The following PTPRM variants were observed in gnomAD, a reference collection of about 807,000 sequenced individuals.
PTPRM encodes the protein protein tyrosine phosphatase receptor type M, also known as receptor-type tyrosine-protein phosphatase mu.
PTPRM carries 47 observed loss-of-function variants against 186.7 expected under a neutral mutation model. That is an observed-to-expected ratio of 0.25 (90% CI 0.20 to 0.32). The LOEUF is 0.32. Ranked by LOEUF, PTPRM falls within the 10% of genes least tolerant of loss-of-function variation. The probability of loss-of-function intolerance (pLI) is 1.00; values close to 1 mark genes in which losing one functional copy is unlikely to be tolerated. For synonymous variants in PTPRM, 668 were observed against 674.9 expected, an observed-to-expected ratio of 0.99 and a Z score of 0.16; for missense variants, 1,494 against 1,865.0, an observed-to-expected ratio of 0.80 and a Z score of 3.66.
Position 8,046,451 on chromosome 18 carries a change from C to G in PTPRM, c.1133-23235C>G, listed in dbSNP as rs7230743. 8.8e-3 allele frequency among the ~76,000 whole-genome samples: 1,343 copies of G among 152,262 alleles called. 23 individuals are homozygous for G. Among genetic ancestry groups the G allele is most frequent in the African/African-American group, 0.031 (1,298 of 41,552 alleles). ...TGCATAGCTGAGTATACCACTTACCCTCTGTGTATCTTGCATCTATTTTCT... is the reference window on the plus strand; with the variant it reads ...TGCATAGCTGAGTATACCACTTACCGTCTGTGTATCTTGCATCTATTTTCT... On this transcript the variant is annotated intron_variant, in intron 7 of 32. Coordinates refer to ENST00000580170, the MANE Select transcript of PTPRM (RefSeq NM_001105244.2).
chr18:7,897,311 T>C (rs2049414276), intron 3 of PTPRM, among the ~76,000 whole-genome samples: 1 of 152,166 alleles, frequency 6.6e-6, no homozygotes, highest in Non-Finnish European at 1.5e-5. Flanking sequence ...TATGTGCCAG[T>C]TGAAAAATAG....
intron 22 of PTPRM, among the ~76,000 whole-genome samples, chr18:8,323,930 A>C (rs927262897): frequency 9.2e-5 from 14 of 152,124 alleles, no homozygotes; most frequent in African/African-American, 3.1e-4. Flanking sequence ...TGGTTCATGG[A>C]CTACCCCCAC....
intron 31 of PTPRM, among the ~76,000 whole-genome samples, chr18:8,393,966 A>AT (rs142217619): frequency 0.042 from 6,445 of 151,676 alleles, 438 homozygotes; most frequent in African/African-American, 0.14. Flanking sequence ...TTTTTTTTGT[A>AT]TTTTTTAGTA....
At chr18:7,871,056 G>A (rs1363939445) in intron 2 of PTPRM, among the ~76,000 whole-genome samples, 1 of 152,174 alleles carries the variant, frequency 6.6e-6, no homozygotes, top group East Asian at 1.9e-4. Context: ...AAAGGACAAG[G>A]CATTTTAATG....
At chr18:7,972,741 G>T (rs1436907482) in intron 7 of PTPRM, among the ~76,000 whole-genome samples, 1 of 151,972 alleles carries the variant, frequency 6.6e-6, no homozygotes, top group East Asian at 1.9e-4. Flanking sequence ...TGAAGTCATA[G>T]ATGTGATATA....
intron 7 of PTPRM, among the ~76,000 whole-genome samples, chr18:8,035,368 G>A (rs557742375): frequency 6.6e-6 from 1 of 152,104 alleles, no homozygotes; most frequent in African/African-American, 2.4e-5. Flanking sequence ...TATCCAGGGG[G>A]GATTAGTTCC....
At chr18:7,957,751 A>G (rs2053409310) in intron 7 of PTPRM, among the ~76,000 whole-genome samples, 1 of 152,198 alleles carries the variant, frequency 6.6e-6, no homozygotes, top group Non-Finnish European at 1.5e-5. Context: ...TGCAGGTAAT[A>G]TCAGTAATCA....
At chr18:7,968,412 C>A (rs1474762853) in intron 7 of PTPRM, among the ~76,000 whole-genome samples, 8 of 140,032 alleles carry the variant, frequency 5.7e-5, no homozygotes, top group South Asian at 2.4e-4. Flanking sequence ...TGAGCAAAAT[C>A]ACCAGCTAAC....
chr18:7,812,126 T>A (rs1245669400), intron 2 of PTPRM, among the ~76,000 whole-genome samples: 1 of 152,102 alleles, frequency 6.6e-6, no homozygotes, highest in African/African-American at 2.4e-5. Flanking sequence ...ACCAACTTTA[T>A]CTCTGTGATA....
At chr18:7,682,125 G>A (rs2039493936) in intron 1 of PTPRM, among the ~76,000 whole-genome samples, 1 of 152,208 alleles carries the variant, frequency 6.6e-6, no homozygotes, top group Non-Finnish European at 1.5e-5. Flanking sequence ...CAGCTAGTAA[G>A]TTGCAGAGCT....
rs115051659 is a variant in PTPRM, at chr18:8,217,371, C to A, written c.2301-26687C>A. Among the ~76,000 whole-genome samples the A allele has an allele frequency of 3.7e-3, 561 of 152,286 alleles. 1 individual carries two copies. Among genetic ancestry groups the A allele is most frequent in the African/African-American group, 0.012 (519 of 41,560 alleles). On this transcript the variant is annotated intron_variant, in intron 14 of 32. Coordinates refer to ENST00000580170, the MANE Select transcript of PTPRM (RefSeq NM_001105244.2). Reference sequence around the variant, plus strand: ...GTCTAGGCATTTCTTCCTTCTTCCCCCTGTGCCCAGCTCTGATGGAGGAGG... The same window carrying A: ...GTCTAGGCATTTCTTCCTTCTTCCCACTGTGCCCAGCTCTGATGGAGGAGG...
At chr18:7,852,760 G>A (rs933884109) in intron 2 of PTPRM, among the ~76,000 whole-genome samples, 1 of 152,172 alleles carries the variant, frequency 6.6e-6, no homozygotes, top group Admixed American at 6.5e-5. Context: ...GAATGCAGAG[G>A]TGGGAGGATT....
intron 8 of PTPRM, among the ~76,000 whole-genome samples, chr18:8,070,456 A>G (rs1004569832): frequency 1.3e-5 from 2 of 152,192 alleles, no homozygotes; most frequent in Non-Finnish European, 2.9e-5. Context: ...TTGCTTTTCA[A>G]CACAGTCTTG....
intron 19 of PTPRM, among the ~76,000 whole-genome samples, chr18:8,289,405 TATATATACAC>T (rs1224015235): frequency 7.0e-5 from 10 of 143,342 alleles, no homozygotes; most frequent in African/African-American, 2.6e-4. Flanking sequence ...TGTGTATATA[TATATATACAC>T]ATATATACGT....
intron 19 of PTPRM, among the ~76,000 whole-genome samples, chr18:8,286,329 C>G (rs974833680): frequency 7.9e-5 from 12 of 152,190 alleles, no homozygotes; most frequent in Non-Finnish European, 8.8e-5. Context: ...ATGATGATCT[C>G]TCTGTTTTGA....
At chr18:8,208,925 G>A (rs8094241) in intron 14 of PTPRM, among the ~76,000 whole-genome samples, 1,648 of 152,318 alleles carry the variant, frequency 0.011, 25 homozygotes, top group African/African-American at 0.037. Flanking sequence ...GAGAGCATAA[G>A]CATGCGTGCT....
intron 7 of PTPRM, among the ~76,000 whole-genome samples, chr18:7,957,675 A>G (rs1295133519): frequency 6.6e-6 from 1 of 152,200 alleles, no homozygotes; most frequent in Non-Finnish European, 1.5e-5. Flanking sequence ...GTGAAGTCAA[A>G]TGAGACTTTT....
intron 7 of PTPRM, among the ~76,000 whole-genome samples, chr18:7,964,471 G>T (rs557518437): frequency 1.3e-5 from 2 of 152,208 alleles, no homozygotes; most frequent in Admixed American, 1.3e-4. Flanking sequence ...TTGTTTGTTT[G>T]TTTTAAACAG....
chr18:8,384,782 C>G, intron 30 of PTPRM, 96 bp downstream of exon 30: 2 of 1,514,732 alleles, frequency 1.3e-6, no homozygotes, highest in Non-Finnish European at 1.8e-6. Context: ...GTCACTGTTC[C>G]AGGAGTTTGG....
Sources: allele counts gnomAD v4.1 joint callset (sites outside exome capture counted in the v4.1 genomes callset), GRCh38; gene constraint gnomAD v4.1.1; transcripts MANE v1.5; gene names NCBI Gene and HGNC (gene_info 2026-07-23, HGNC 2026-07-21).